ANKFN1: variants seen among roughly 807,000 people sequenced by gnomAD.
ANKFN1 encodes the protein ankyrin repeat and fibronectin type-III domain-containing protein 1.
ANKFN1 carries 74 observed loss-of-function variants against 108.7 expected under a neutral mutation model. The observed-to-expected ratio is 0.68, with a 90% confidence interval of 0.56 to 0.83. The LOEUF is 0.83. Ranked by LOEUF, ANKFN1 falls within the 40% of genes least tolerant of loss-of-function variation. ANKFN1 has a pLI of 0.00. For missense variants in ANKFN1, 1,505 were observed against 1,382.3 expected (o/e 1.09, Z -1.41); for synonymous variants, 547 against 516.2 (o/e 1.06, Z -0.81).
chr17:56,143,894 A>G (rs1193865616), intron 4 of ANKFN1, among the ~76,000 whole-genome samples: 1 of 152,128 alleles, frequency 6.6e-6, no homozygotes, highest in Non-Finnish European at 1.5e-5. Flanking sequence ...AGTCTCCAGA[A>G]AGAACCAACC....
At chr17:56,198,295 CATTGGACAGTTTCAGGA>C (rs1245443859) in intron 1 of ANKFN1, among the ~76,000 whole-genome samples, 1 of 152,140 alleles carries the variant, frequency 6.6e-6, no homozygotes, top group East Asian at 1.9e-4. Flanking sequence ...TTTTACAAAC[CATTGGACAGTTTCAGGA>C]TGAAACTGTT....
In ANKFN1 at chr17:56,132,088, G is replaced by T. The variant is rs551663867; in HGVS notation, c.288+85763G>T. On this transcript the variant is annotated intron_variant, in intron 4 of 12. Coordinates refer to the ANKFN1 transcript ENST00000635860. ...GCTATTTGCAAGTGACTCATGATAG[G>T]TAGTTCGTGATTTCTTTTTAATTTG... Among the ~76,000 whole-genome samples the T allele has an allele frequency of 2.6e-5, 4 of 152,294 alleles. No individual in the cohort carries two copies. The South Asian group carries it at 8.3e-4, about 32-fold the overall frequency.
chr17:56,126,539 C>A (rs528674201), intron 4 of ANKFN1, among the ~76,000 whole-genome samples: 4 of 152,142 alleles, frequency 2.6e-5, no homozygotes, highest in African/African-American at 9.7e-5. Context: ...TGGCTGCTGG[C>A]GTCGGCCACA....
At chr17:56,458,018 T>C in intron 14 of ANKFN1, 39 bp downstream of exon 14, 2 of 1,549,234 alleles carry the variant, frequency 1.3e-6, no homozygotes, top group Non-Finnish European at 1.8e-6. Flanking sequence ...CCAAGGAAAA[T>C]ATTTTTAATG....
intron 3 of ANKFN1, among the ~76,000 whole-genome samples, chr17:56,320,144 T>C (rs1298195063): frequency 6.6e-6 from 1 of 152,172 alleles, no homozygotes; most frequent in Non-Finnish European, 1.5e-5. Context: ...GCATGGCACA[T>C]AGAAGGTATT....
intron 19 of ANKFN1, among the ~76,000 whole-genome samples, chr17:56,493,133 C>G (rs1402979491): frequency 6.6e-6 from 1 of 152,042 alleles, no homozygotes; most frequent in African/African-American, 2.4e-5. Flanking sequence ...GTGTGCGAGA[C>G]ATAAAGTTGA....
intron 4 of ANKFN1, among the ~76,000 whole-genome samples, chr17:56,049,366 T>C (rs1447202684): frequency 6.6e-6 from 1 of 151,260 alleles, no homozygotes; most frequent in East Asian, 1.9e-4. Context: ...AAGACTTTCC[T>C]ACCATATAGA....
intron 4 of ANKFN1, among the ~76,000 whole-genome samples, chr17:56,339,074 G>T (rs912674424): frequency 1.3e-5 from 2 of 151,884 alleles, no homozygotes; most frequent in African/African-American, 2.4e-5. Flanking sequence ...TTTCAATGGT[G>T]TTTTGTATTT....
At chr17:56,449,545 C>T (rs2049416063) in intron 11 of ANKFN1, among the ~76,000 whole-genome samples, 2 of 152,100 alleles carry the variant, frequency 1.3e-5, no homozygotes, top group South Asian at 2.1e-4. Flanking sequence ...AAGGAAAATC[C>T]CCTGAGTATC....
intron 3 of ANKFN1, among the ~76,000 whole-genome samples, chr17:56,317,531 A>G (rs1437542317): frequency 6.6e-6 from 1 of 152,202 alleles, no homozygotes; most frequent in Non-Finnish European, 1.5e-5. Flanking sequence ...TTAAAAGAAG[A>G]TGACAGATTA....
intron 4 of ANKFN1, among the ~76,000 whole-genome samples, chr17:56,116,577 T>G (rs1037604372): frequency 2.0e-5 from 3 of 152,108 alleles, no homozygotes; most frequent in African/African-American, 7.2e-5. Flanking sequence ...GCCTGGCACC[T>G]CTTCTTCTCT....
intron 14 of ANKFN1, among the ~76,000 whole-genome samples, chr17:56,458,503 G>T (rs934156641): frequency 6.6e-6 from 1 of 151,832 alleles, no homozygotes; most frequent in Non-Finnish European, 1.5e-5. Context: ...AGAGAACAAC[G>T]CTTAAAAGAT....
chr17:56,310,316 C>T (rs2144431318), intron 3 of ANKFN1, among the ~76,000 whole-genome samples: 1 of 152,312 alleles, frequency 6.6e-6, no homozygotes, highest in East Asian at 1.9e-4. Context: ...GACTGCTGTG[C>T]TTTTGCAAAT....
At chr17:56,220,524 G>T (rs911050122) in intron 2 of ANKFN1, among the ~76,000 whole-genome samples, 6 of 151,974 alleles carry the variant, frequency 3.9e-5, no homozygotes, top group African/African-American at 1.4e-4. Context: ...GCTGGGTGTG[G>T]TGGGGCATGT....
rs375580975 is a variant in ANKFN1, at chr17:56,498,906, A to G, written c.2452A>G (p.Met818Val). ...GCAAATAGATGAAGTCTGGCGTGAA[A>G]TGAGATGGATCATGGATGCTCTACA... ...IQQIDEVWRE[M>V]RWIMDALQYA... The change falls in exon 20 of 21, where the codon ATG becomes GTG. Residue 818 changes from methionine (M) to valine (V), a missense_variant. Met to Val is a conservative substitution (Grantham distance 21). Coordinates refer to ENST00000682825, the MANE Select transcript of ANKFN1 (RefSeq NM_001370326.1). 53 of 1,535,628 alleles carry G rather than the reference A, an allele frequency of 3.5e-5. No homozygotes were observed. The East Asian group carries it at 9.8e-4, about 28-fold the overall frequency.
At chr17:56,485,306 C>T (rs2050821259) in intron 18 of ANKFN1, among the ~76,000 whole-genome samples, 1 of 152,160 alleles carries the variant, frequency 6.6e-6, no homozygotes, top group South Asian at 2.1e-4. Context: ...AAGTAAGCTG[C>T]ACTTTATACA....
At chr17:56,405,251 G>A (rs1459647138) in intron 8 of ANKFN1, among the ~76,000 whole-genome samples, 1 of 152,206 alleles carries the variant, frequency 6.6e-6, no homozygotes, top group Non-Finnish European at 1.5e-5. Flanking sequence ...ATTGTTCACA[G>A]AGAAGCACAG....
intron 8 of ANKFN1, among the ~76,000 whole-genome samples, chr17:56,381,140 T>C (rs1049440532): frequency 2.0e-5 from 3 of 152,188 alleles, no homozygotes; most frequent in African/African-American, 7.2e-5. Flanking sequence ...AAAAATCTGC[T>C]GTTCTGCAGC....
chr17:56,104,772 G>A (rs1905711504), intron 4 of ANKFN1, among the ~76,000 whole-genome samples: 1 of 152,226 alleles, frequency 6.6e-6, no homozygotes, highest in Admixed American at 6.5e-5. Context: ...TGTTTGAGAA[G>A]AGAAGAGGTG....
Sources: allele counts gnomAD v4.1 joint callset (sites outside exome capture counted in the v4.1 genomes callset), GRCh38; gene constraint gnomAD v4.1.1; transcripts MANE v1.5; gene names NCBI Gene and HGNC (gene_info 2026-07-23, HGNC 2026-07-21).